AR: variants seen among roughly 807,000 people sequenced by gnomAD.
AR encodes the protein androgen receptor.
AR carries 8 observed loss-of-function variants against 53.9 expected under a neutral mutation model. That is an observed-to-expected ratio of 0.15 (90% confidence interval 0.09 to 0.27). The LOEUF is 0.27. Among genes scored for constraint, AR ranks in the 10% least tolerant of loss-of-function variants. The pLI, the probability that AR is intolerant of heterozygous loss-of-function variation, is 1.00. For synonymous variants in AR, 359 were observed against 316.4 expected, an observed-to-expected ratio of 1.13 and a Z score of -1.43; for missense variants, 639 against 742.5, an observed-to-expected ratio of 0.86 and a Z score of 1.62.
intron 1 of AR, among the ~76,000 whole-genome samples, chrX:67,638,836 T>G (rs1218434579): frequency 8.9e-6 from 1 of 112,329 alleles, no homozygotes; most frequent in Non-Finnish European, 1.9e-5. Flanking sequence ...TTTAATTAGA[T>G]CACATTTGTC....
intron 2 of AR, among the ~76,000 whole-genome samples, chrX:67,649,898 A>G (rs1055976343): frequency 3.6e-5 from 4 of 111,849 alleles, no homozygotes; most frequent in African/African-American, 9.8e-5. Flanking sequence ...TCATTTGTCA[A>G]TTTTGGCTTT....
At chrX:67,620,386 C>G (rs1249527616) in intron 1 of AR, among the ~76,000 whole-genome samples, 1 of 109,031 alleles carries the variant, frequency 9.2e-6, no homozygotes, top group Non-Finnish European at 1.9e-5. Flanking sequence ...GCTCACTGGA[C>G]TGAAAGTCAG....
intron 1 of AR, among the ~76,000 whole-genome samples, chrX:67,579,195 A>G (rs1025693034): frequency 3.6e-5 from 4 of 111,871 alleles, no homozygotes; most frequent in Non-Finnish European, 5.7e-5. Context: ...GTAGCAACGT[A>G]TTCTTTTACT....
At chrX:67,665,574 TTTC>T (rs1253522847) in intron 2 of AR, among the ~76,000 whole-genome samples, 4 of 112,004 alleles carry the variant, frequency 3.6e-5, no homozygotes, top group Non-Finnish European at 7.5e-5. Context: ...GTAGCCCTTC[TTTC>T]TTCTTCATTA....
intron 3 of AR, among the ~76,000 whole-genome samples, chrX:67,696,883 C>A (rs1056294928): frequency 9.0e-6 from 1 of 111,699 alleles, no homozygotes; most frequent in South Asian, 3.7e-4. Context: ...CCCTGGAAGT[C>A]AGGATACCTT....
intron 1 of AR, among the ~76,000 whole-genome samples, chrX:67,587,313 A>G (rs1443878606): frequency 1.8e-5 from 2 of 112,587 alleles, no homozygotes; most frequent in Non-Finnish European, 3.8e-5. Context: ...TTCATGCTGC[A>G]TAAGTATTCA....
chrX:67,633,492 G>A (rs1925273626), intron 1 of AR, among the ~76,000 whole-genome samples: 1 of 111,749 alleles, frequency 8.9e-6, no homozygotes, highest in Admixed American at 9.5e-5. Context: ...AGTATACTAT[G>A]GTGTACATGT....
intron 1 of AR, among the ~76,000 whole-genome samples, chrX:67,625,217 G>T (rs191709468): frequency 1.8e-5 from 2 of 110,846 alleles, no homozygotes; most frequent in Non-Finnish European, 3.8e-5. Flanking sequence ...CAAAAGAAGC[G>T]TAAGACTTGT....
At chrX:67,683,719 A>G (rs748711815) in intron 2 of AR, among the ~76,000 whole-genome samples, 2 of 112,306 alleles carry the variant, frequency 1.8e-5, no homozygotes, top group Non-Finnish European at 3.8e-5. Flanking sequence ...TAAATGTTAA[A>G]TTAATATGTC....
intron 3 of AR, among the ~76,000 whole-genome samples, chrX:67,706,881 A>G (rs913310727): frequency 5.4e-5 from 6 of 111,780 alleles, no homozygotes; most frequent in African/African-American, 2.0e-4. Flanking sequence ...GAACATCTTT[A>G]TTTCTGCCTT....
intron 2 of AR, among the ~76,000 whole-genome samples, chrX:67,667,473 T>C (rs1185318399): frequency 2.7e-5 from 3 of 111,816 alleles, no homozygotes; most frequent in Non-Finnish European, 3.8e-5. Flanking sequence ...GTAGTATAAT[T>C]TGAAATCAGG....
intron 1 of AR, among the ~76,000 whole-genome samples, chrX:67,626,526 C>G (rs767270672): frequency 2.1e-5 from 2 of 93,707 alleles, no homozygotes; most frequent in African/African-American, 7.8e-5. Context: ...CTGCAAGCTC[C>G]GCCTCCCAGG....
Position 67,546,337 on chromosome X carries a change from C to A in AR, c.1191C>A (p.Ser397Arg), listed in dbSNP as rs867052370. 2.5e-6 allele frequency: 3 copies of A among 1,192,444 alleles called. No individual in the cohort carries two copies. The highest frequency in any genetic ancestry group is 3.4e-6 in the Non-Finnish European group (3 of 886,426). Reference sequence around the variant, plus strand: ...TGGAGAACCCGCTGGACTACGGCAGCGCCTGGGCGGCTGCGGCGGCGCAGT... The same window carrying A: ...TGGAGAACCCGCTGGACTACGGCAGAGCCTGGGCGGCTGCGGCGGCGCAGT... Reference protein sequence around the residue: ...IKLENPLDYGSAWAAAAAQCR... With the variant: ...IKLENPLDYGRAWAAAAAQCR... Residue 397 changes from serine to arginine, a missense_variant, in exon 1 of 8, where the codon AGC becomes AGA. By Grantham distance (110) the Ser-to-Arg change is moderately radical. Around this residue, in one of 5 missense-constraint regions of AR, gnomAD observed 423 missense variants for 377.0 expected, o/e 1.12. Coordinates refer to ENST00000374690, the MANE Select transcript of AR (RefSeq NM_000044.6).
At chrX:67,640,917 A>G (rs1345781228) in intron 1 of AR, among the ~76,000 whole-genome samples, 1 of 110,940 alleles carries the variant, frequency 9.0e-6, no homozygotes, top group Non-Finnish European at 1.9e-5. Context: ...CTGCTTTCTT[A>G]TATCATTTAT....
chrX:67,546,560 G>T lies in AR; in HGVS notation c.1414G>T (p.Gly472Cys). The T allele has an allele frequency of 1.0e-6, 1 of 981,409 alleles. No individual in the cohort carries two copies. Among genetic ancestry groups the T allele is most frequent in the Non-Finnish European group, 1.3e-6 (1 of 775,224 alleles). 80.9% of individuals were successfully genotyped at this position (981,409 alleles called of 1,213,427 possible). Reference protein sequence around the residue: ...GGGGGGGGGGGGEAGAVAPYG... With the variant: ...GGGGGGGGGGCGEAGAVAPYG... ...CGGCGGCGGCGGCGGCGGCGGCGGCGGCGGCGAGGCGGGAGCTGTAGCCCC... is the reference window on the plus strand; with the variant it reads ...CGGCGGCGGCGGCGGCGGCGGCGGCTGCGGCGAGGCGGGAGCTGTAGCCCC... The change falls in exon 1 of 8, where the codon GGC becomes TGC. Residue 472 changes from glycine (G) to cysteine (C), a missense_variant. Gly to Cys is a radical substitution (Grantham distance 159). Transcript: ENST00000374690.
At chrX:67,657,924 C>A (rs1481213892) in intron 2 of AR, among the ~76,000 whole-genome samples, 1 of 111,337 alleles carries the variant, frequency 9.0e-6, no homozygotes, top group Admixed American at 9.6e-5. Context: ...AGGGTCAAAA[C>A]AGGGGTTTGG....
Position 67,562,356 on chromosome X carries a change from ATGTG to A in AR, c.1616+15630_1616+15633del, listed in dbSNP as rs756124629. 9.9e-3 allele frequency among the ~76,000 whole-genome samples: 936 copies of A among 94,938 alleles called. 7 individuals carry two copies. The highest frequency in any genetic ancestry group is 0.025 in the South Asian group (48 of 1,959). 82.4% of individuals were successfully genotyped at this position (94,938 alleles called of 115,157 possible). On this transcript the variant is annotated intron_variant, in intron 1 of 7. Transcript: ENST00000374690. ...GTTTTGTTTGGTCTATATGGTGTAT[ATGTG>A]TGTGTGTGTGTGTGTGTGTGTGTGT...
At chrX:67,622,522 A>G (rs1486191732) in intron 1 of AR, among the ~76,000 whole-genome samples, 1 of 111,844 alleles carries the variant, frequency 8.9e-6, no homozygotes, top group Non-Finnish European at 1.9e-5. Flanking sequence ...TTTGTTGGTG[A>G]TGTAAGCTAC....
At chrX:67,714,457 G>A (rs2076105017) in intron 4 of AR, among the ~76,000 whole-genome samples, 1 of 111,651 alleles carries the variant, frequency 9.0e-6, no homozygotes, top group Non-Finnish European at 1.9e-5. Context: ...GCTCATGCAT[G>A]GACCCCAAGG....
Sources: allele counts gnomAD v4.1 joint callset (sites outside exome capture counted in the v4.1 genomes callset), GRCh38; gene constraint gnomAD v4.1.1; regional missense constraint gnomAD v4.1.1; transcripts MANE v1.5; gene names NCBI Gene and HGNC (gene_info 2026-07-23, HGNC 2026-07-21).